The following SPATS2L variants were observed in gnomAD, a reference collection of about 807,000 sequenced individuals.
SPATS2L encodes the protein spermatogenesis associated serine rich 2 like.
Under a neutral mutation model 59.6 loss-of-function variants are expected in SPATS2L, and 30 were observed. That is an observed-to-expected ratio of 0.50 (90% CI 0.38 to 0.68). The LOEUF is 0.68. SPATS2L is among the 30% of genes least tolerant of loss of function. The probability of loss-of-function intolerance (pLI) is 0.00; values close to 1 mark genes in which losing one functional copy is unlikely to be tolerated. For missense variants in SPATS2L, 615 were observed against 700.0 expected (o/e 0.88, Z 1.37); for synonymous variants, 252 against 263.5 (o/e 0.96, Z 0.42).
At chr2:200,425,970 A>G (rs1246414720) in intron 6 of SPATS2L, among the ~76,000 whole-genome samples, 3 of 152,086 alleles carry the variant, frequency 2.0e-5, no homozygotes, top group Non-Finnish European at 2.9e-5. Context: ...CAGTGCTTCA[A>G]TTCAGGCTCT....
At chr2:200,343,562 A>G (rs2080404669) in intron 2 of SPATS2L, among the ~76,000 whole-genome samples, 1 of 152,222 alleles carries the variant, frequency 6.6e-6, no homozygotes, top group Non-Finnish European at 1.5e-5. Context: ...ATCCTTTAAA[A>G]TATATTTACT....
At chr2:200,469,030 T>A (rs1319239903) in intron 10 of SPATS2L, among the ~76,000 whole-genome samples, 1 of 152,196 alleles carries the variant, frequency 6.6e-6, no homozygotes, top group Non-Finnish European at 1.5e-5. Flanking sequence ...AGTTACACAT[T>A]CTCTTAGACT....
At chr2:200,470,749 A>G (rs1559163410) in intron 11 of SPATS2L, among the ~76,000 whole-genome samples, 1 of 152,206 alleles carries the variant, frequency 6.6e-6, no homozygotes, top group Admixed American at 6.5e-5. Flanking sequence ...AGAATTAACT[A>G]TACTGTACTA....
intron 11 of SPATS2L, among the ~76,000 whole-genome samples, chr2:200,471,078 T>A (rs1254465001): frequency 6.6e-6 from 1 of 152,012 alleles, no homozygotes; most frequent in Non-Finnish European, 1.5e-5. Context: ...GAGAATCACT[T>A]GAACCTGGAC....
chr2:200,472,374 G>A (rs745923734), intron 11 of SPATS2L, among the ~76,000 whole-genome samples: 11 of 152,172 alleles, frequency 7.2e-5, no homozygotes, highest in African/African-American at 2.2e-4. Context: ...CAGAGTGTCC[G>A]CATAGCTCCC....
intron 4 of SPATS2L, among the ~76,000 whole-genome samples, chr2:200,413,743 T>G (rs1444244364): frequency 6.6e-6 from 1 of 152,224 alleles, no homozygotes. Context: ...AACTAAGCAA[T>G]ATGCTCACAT....
At chr2:200,317,732 CA>C (rs774700761) in intron 1 of SPATS2L, among the ~76,000 whole-genome samples, 2 of 152,198 alleles carry the variant, frequency 1.3e-5, no homozygotes, top group Non-Finnish European at 2.9e-5. Context: ...GATAGCATAA[CA>C]ATTAACAAAG....
chr2:200,307,900 T>G (rs2079080508), intron 1 of SPATS2L, among the ~76,000 whole-genome samples: 1 of 152,232 alleles, frequency 6.6e-6, no homozygotes, highest in South Asian at 2.1e-4. Flanking sequence ...TTTGGCTATA[T>G]TACAGGGTTT....
At chr2:200,311,070 A>G (rs1281475024) in intron 1 of SPATS2L, among the ~76,000 whole-genome samples, 1 of 152,244 alleles carries the variant, frequency 6.6e-6, no homozygotes, top group Non-Finnish European at 1.5e-5. Flanking sequence ...CTTGATAAAT[A>G]CACCGATAAA....
At chr2:200,347,339 G>A (rs999515690) in intron 2 of SPATS2L, among the ~76,000 whole-genome samples, 11 of 152,158 alleles carry the variant, frequency 7.2e-5, no homozygotes, top group Admixed American at 3.9e-4. Context: ...GGAGTTCCAG[G>A]AAACCTCTTC....
intron 1 of SPATS2L, among the ~76,000 whole-genome samples, chr2:200,326,534 T>A (rs1162783195): frequency 6.6e-6 from 1 of 152,172 alleles, no homozygotes; most frequent in African/African-American, 2.4e-5. Context: ...TGAGGAAAGA[T>A]GTCCTCTTTG....
chr2:200,387,312 GT>G, intron 2 of SPATS2L, among the ~76,000 whole-genome samples: 1 of 152,210 alleles, frequency 6.6e-6, no homozygotes, highest in Non-Finnish European at 1.5e-5. Context: ...TTTGGAGGGT[GT>G]TTTCAATAGA....
intron 3 of SPATS2L, among the ~76,000 whole-genome samples, chr2:200,401,102 G>C (rs930803953): frequency 2.5e-4 from 38 of 152,266 alleles, no homozygotes; most frequent in African/African-American, 8.4e-4. Flanking sequence ...GGCTCTCTGG[G>C]CTGCCATGTA....
At position 200,306,851 on chromosome 2, in the gene SPATS2L, G is replaced by A. The variant is rs2079031140; in HGVS notation, c.-144G>A. 3.1e-6 allele frequency: 3 copies of A among 980,620 alleles called. No homozygotes were observed. Among genetic ancestry groups the A allele is most frequent in the Admixed American group, 6.3e-5 (1 of 15,870 alleles). 60.7% of individuals were successfully genotyped at this position (980,620 alleles called of 1,614,324 possible). ...CCGCAGGGGCCGCCACCGCCGCGGC[G>A]CCTCCCCTGGCGACCGCGCCCCCGG... On this transcript the variant is annotated 5_prime_UTR_variant, in exon 1 of 13. Transcript: ENST00000409140.
At chr2:200,365,528 C>T (rs1236342242) in intron 2 of SPATS2L, among the ~76,000 whole-genome samples, 1 of 152,200 alleles carries the variant, frequency 6.6e-6, no homozygotes, top group African/African-American at 2.4e-5. Context: ...GATGATCAGA[C>T]TCTACCGTGA....
At chr2:200,333,916 G>A (rs2080047479) in intron 2 of SPATS2L, among the ~76,000 whole-genome samples, 1 of 151,952 alleles carries the variant, frequency 6.6e-6, no homozygotes, top group Non-Finnish European at 1.5e-5. Context: ...TGGACATTTG[G>A]GTTGGTTCCA....
chr2:200,318,208 A>G (rs1433044150), intron 1 of SPATS2L, among the ~76,000 whole-genome samples: 1 of 152,182 alleles, frequency 6.6e-6, no homozygotes, highest in Non-Finnish European at 1.5e-5. Context: ...AAAGGGGAAG[A>G]TGTTATGCCA....
chr2:200,472,135 C>T (rs970205365), intron 11 of SPATS2L, among the ~76,000 whole-genome samples: 3 of 152,326 alleles, frequency 2.0e-5, no homozygotes, highest in South Asian at 4.1e-4. Context: ...GCCTGATCAG[C>T]CTGCCTTGCC....
At chr2:200,307,018 G>A (rs1429450870) in intron 1 of SPATS2L, 96 bp downstream of exon 1, 13 of 955,064 alleles carry the variant, frequency 1.4e-5, no homozygotes, top group Non-Finnish European at 1.6e-5. Flanking sequence ...GACTCGGCTG[G>A]GCCGAGCATT....
Sources: allele counts gnomAD v4.1 joint callset (sites outside exome capture counted in the v4.1 genomes callset), GRCh38; gene constraint gnomAD v4.1.1; transcripts MANE v1.5; gene names NCBI Gene and HGNC (gene_info 2026-07-23, HGNC 2026-07-21).